SPICE1: variants seen among roughly 807,000 people sequenced by gnomAD.
The protein encoded by SPICE1 is spindle and centriole-associated protein 1.
Under a neutral mutation model 102.7 loss-of-function variants are expected in SPICE1, and 75 were observed. The observed-to-expected ratio is 0.73, with a 90% confidence interval of 0.61 to 0.88. The LOEUF is 0.88. Among genes scored for constraint, SPICE1 ranks in the 40% least tolerant of loss-of-function variants. The pLI is 0.00. For synonymous variants in SPICE1, 308 were observed against 350.3 expected (o/e 0.88, Z 1.35); for missense variants, 979 against 1,020.1 (o/e 0.96, Z 0.55).
In SPICE1 at chr3:113,457,129, G is replaced by T; in HGVS notation, c.1657+7C>A. ...CAACTTTCATGTAACTTTAGAAGAAGACTTACCGTCCTGAAGAGGAGAGAA... is the reference window on the plus strand; with the variant it reads ...CAACTTTCATGTAACTTTAGAAGAATACTTACCGTCCTGAAGAGGAGAGAA... On this transcript the variant is annotated splice_region_variant and intron_variant, in intron 13 of 17. Transcript: ENST00000295872. The T allele has an allele frequency of 6.2e-7, 1 of 1,611,444 alleles. No individual in the cohort carries two copies. Among genetic ancestry groups the T allele is most frequent in the Non-Finnish European group, 8.5e-7 (1 of 1,177,986 alleles).
intron 7 of SPICE1, among the ~76,000 whole-genome samples, chr3:113,486,862 GATATAT>G (rs141247316): frequency 0.22 from 31,296 of 143,952 alleles, 3,527 homozygotes; most frequent in African/African-American, 0.3. Flanking sequence ...AAAATAAGGA[GATATAT>G]ATATATATAT....
At position 113,445,337 on chromosome 3, in the gene SPICE1, G is replaced by A. The variant is rs771865120; in HGVS notation, c.2538C>T (p.Gly846=). 1.2e-6 allele frequency: 2 copies of A among 1,612,602 alleles called. No homozygotes were observed. Among genetic ancestry groups the A allele is most frequent in the East Asian group, 4.5e-5 (2 of 44,734 alleles). ...RAKIEKQNEE[G]WFALSTHVS ...ATACATGGGTAGAAAGAGCAAACCA[G>A]CCTTCTTCATTCTGTTTCTCAATCT... Residue 846 remains glycine, a synonymous_variant, in exon 18 of 18, where the codon GGC becomes GGT. Coordinates refer to ENST00000295872, the MANE Select transcript of SPICE1 (RefSeq NM_144718.4).
intron 11 of SPICE1, among the ~76,000 whole-genome samples, chr3:113,465,201 G>A (rs1430413491): frequency 3.9e-5 from 6 of 152,012 alleles, no homozygotes; most frequent in African/African-American, 1.5e-4. Flanking sequence ...AAAAAGAAAA[G>A]GAGCAATTAG....
At chr3:113,452,806 C>T (rs9851407) in intron 14 of SPICE1, among the ~76,000 whole-genome samples, 5,567 of 152,066 alleles carry the variant, frequency 0.037, 159 homozygotes, top group African/African-American at 0.07. Flanking sequence ...GGTGAAACCC[C>T]GTCTCTACTA....
At chr3:113,490,605 G>T (rs1391712672) in intron 6 of SPICE1, among the ~76,000 whole-genome samples, 1 of 151,800 alleles carries the variant, frequency 6.6e-6, no homozygotes, top group Admixed American at 6.6e-5. Context: ...TTGTGCCACT[G>T]CATTCCAGCC....
At position 113,460,501 on chromosome 3, in the gene SPICE1, T is replaced by C; in HGVS notation, c.1435+116A>G. 4.8e-6 allele frequency: 7 copies of C among 1,454,182 alleles called. No homozygotes were observed. In the South Asian group the frequency reaches 1.2e-4, roughly 24 times the overall value. The allele number at this position is 1,454,182 out of a possible 1,614,324, so 90.1% of individuals were successfully genotyped here. Reference sequence around the variant, plus strand: ...GTGGCAACTGTAGTAGTGACAATACTGTACATGCATAAACAGTCAATAAGT... The same window carrying C: ...GTGGCAACTGTAGTAGTGACAATACCGTACATGCATAAACAGTCAATAAGT... On this transcript the variant is annotated intron_variant, in intron 12 of 17. Coordinates refer to ENST00000295872, the MANE Select transcript of SPICE1 (RefSeq NM_144718.4).
chr3:113,485,112 GT>G (rs1936612945), intron 7 of SPICE1, among the ~76,000 whole-genome samples: 1 of 151,680 alleles, frequency 6.6e-6, no homozygotes, highest in African/African-American at 2.4e-5. Flanking sequence ...AGGGTCCTGG[GT>G]TTCAAGCACA....
chr3:113,493,006 C>G (rs1936798244), intron 6 of SPICE1, among the ~76,000 whole-genome samples, 200 bp downstream of exon 6: 1 of 152,208 alleles, frequency 6.6e-6, no homozygotes. Flanking sequence ...GGTAAGCACT[C>G]AGTAAATTTT....
intron 1 of SPICE1, among the ~76,000 whole-genome samples, chr3:113,511,824 G>C (rs1255782027): frequency 2.0e-5 from 3 of 151,956 alleles, no homozygotes; most frequent in South Asian, 4.2e-4. Flanking sequence ...GAAAAATGAG[G>C]CTTAGAGAAA....
chr3:113,493,212 T>G lies in SPICE1; in HGVS notation c.486A>C (p.Glu162Asp), dbSNP rs1936802654. 1 of 1,600,988 alleles carries G rather than the reference T, an allele frequency of 6.2e-7. No homozygotes were observed. The highest frequency in any genetic ancestry group is 8.5e-7 in the Non-Finnish European group (1 of 1,174,096). The change falls in exon 6 of 18, where the codon GAA becomes GAC. Residue 162 changes from glutamate (E) to aspartate (D), a missense_variant. By Grantham distance (45) the Glu-to-Asp change is conservative. Transcript: ENST00000295872. ...TGTGAGTGGAACACATTACCTGAGG[T>G]TCTATGACAGACTCATTAAAGATAG... ...TQSIFNESVIEPQALNDVDGE... is the reference protein window; with the variant it reads ...TQSIFNESVIDPQALNDVDGE...
intron 3 of SPICE1, among the ~76,000 whole-genome samples, chr3:113,502,416 T>C (rs1417864129): frequency 2.0e-5 from 3 of 152,096 alleles, no homozygotes; most frequent in Non-Finnish European, 2.9e-5. Context: ...ATTCCGCATA[T>C]ATCAAACGAC....
intron 4 of SPICE1, among the ~76,000 whole-genome samples, chr3:113,497,212 C>T (rs907840581): frequency 6.6e-6 from 1 of 152,156 alleles, no homozygotes; most frequent in Admixed American, 6.5e-5. Flanking sequence ...CTGCTATGGC[C>T]ATTTTGTATT....
rs759443964 is a variant in SPICE1, at chr3:113,450,531, A to C, written c.2143-15T>G. 2 of 1,562,162 alleles carry C rather than the reference A, an allele frequency of 1.3e-6. No homozygotes were observed. Among genetic ancestry groups the C allele is most frequent in the South Asian group, 2.4e-5 (2 of 83,828 alleles). On this transcript the variant is annotated splice_polypyrimidine_tract_variant and intron_variant, in intron 14 of 17. Coordinates refer to ENST00000295872, the MANE Select transcript of SPICE1 (RefSeq NM_144718.4). ...ACTGGAAAAGTCTTTGGGAGAAAAA[A>C]AAAAAAAGTACAAATTGAATACTGA...
At chr3:113,476,934 G>A (rs543536965) in intron 7 of SPICE1, among the ~76,000 whole-genome samples, 10 of 152,290 alleles carry the variant, frequency 6.6e-5, no homozygotes, top group African/African-American at 2.4e-4. Context: ...ATTGACAAAT[G>A]GGATCTAACT....
At chr3:113,510,904 C>T (rs993865499) in intron 1 of SPICE1, among the ~76,000 whole-genome samples, 2 of 151,918 alleles carry the variant, frequency 1.3e-5, no homozygotes, top group Admixed American at 6.6e-5. Flanking sequence ...CTACAAGGAA[C>T]TTAAATTGAC....
chr3:113,485,096 C>T (rs1374787666), intron 7 of SPICE1, among the ~76,000 whole-genome samples: 1 of 152,098 alleles, frequency 6.6e-6, no homozygotes, highest in Non-Finnish European at 1.5e-5. Context: ...CAGTGCCTAC[C>T]CCAGCAGGGT....
intron 7 of SPICE1, among the ~76,000 whole-genome samples, chr3:113,479,570 G>T (rs1936444200): frequency 6.6e-6 from 1 of 152,000 alleles, no homozygotes; most frequent in Admixed American, 6.6e-5. Flanking sequence ...CACAATGGTT[G>T]AACTAGTTTA....
intron 1 of SPICE1, among the ~76,000 whole-genome samples, chr3:113,508,992 G>A (rs111389696): frequency 1.3e-5 from 2 of 152,226 alleles, no homozygotes; most frequent in African/African-American, 4.8e-5. Context: ...AACACAGAAG[G>A]CCCCCTATTG....
intron 11 of SPICE1, 25 bp downstream of exon 11, chr3:113,465,627 TA>T: frequency 6.2e-7 from 1 of 1,603,056 alleles, no homozygotes; most frequent in East Asian, 2.2e-5. Flanking sequence ...ACTGAACACA[TA>T]AAAATTGGGA....
Sources: allele counts gnomAD v4.1 joint callset (sites outside exome capture counted in the v4.1 genomes callset), GRCh38; gene constraint gnomAD v4.1.1; transcripts MANE v1.5; gene names NCBI Gene and HGNC (gene_info 2026-07-23, HGNC 2026-07-21).